The following DIP2C variants were observed in gnomAD, a reference collection of about 807,000 sequenced individuals.
DIP2C encodes the protein disco-interacting protein 2 homolog C.
In DIP2C, 33 loss-of-function variants were observed where a neutral mutation model predicts 192.4. The ratio of observed to expected loss-of-function variants is 0.17; its 90% CI spans 0.13 to 0.23. The LOEUF (loss-of-function observed/expected upper bound fraction) is 0.23, where lower values mean the gene tolerates loss of function less well. Ranked by LOEUF, DIP2C falls within the 10% of genes least tolerant of loss-of-function variation. The pLI is 1.00. For synonymous variants in DIP2C, 979 were observed against 864.1 expected, an observed-to-expected ratio of 1.13 and a Z score of -2.33; for missense variants, 1,537 against 2,110.1, an observed-to-expected ratio of 0.73 and a Z score of 5.32.
At chr10:557,867 A>AGG (rs1848987757) in intron 1 of DIP2C, among the ~76,000 whole-genome samples, 1 of 57,744 alleles carries the variant, frequency 1.7e-5, no homozygotes, top group African/African-American at 6.5e-5. Flanking sequence ...GGGCAGGGGC[A>AGG]GGCAGGCAGG....
intron 1 of DIP2C, among the ~76,000 whole-genome samples, chr10:602,189 T>C (rs1281670314): frequency 1.3e-5 from 2 of 152,198 alleles, no homozygotes; most frequent in Admixed American, 6.5e-5. Flanking sequence ...AGAAAACTCC[T>C]GCAGTCCTAA....
intron 15 of DIP2C, 110 bp downstream of exon 15, chr10:384,436 C>G: frequency 9.0e-7 from 1 of 1,109,196 alleles, no homozygotes; most frequent in Non-Finnish European, 1.3e-6. Context: ...CGGGGTTTCT[C>G]CATATTGGCC....
chr10:608,141 AGCC>A (rs1852656403), intron 1 of DIP2C, among the ~76,000 whole-genome samples: 1 of 84,852 alleles, frequency 1.2e-5, no homozygotes, highest in Non-Finnish European at 2.0e-5. Context: ...ACACACACAC[AGCC>A]CCCCCACACA....
chr10:301,745 G>A (rs775374250), intron 32 of DIP2C, among the ~76,000 whole-genome samples: 50 of 152,306 alleles, frequency 3.3e-4, no homozygotes, highest in Non-Finnish European at 3.8e-4. Flanking sequence ...GTCCTCGCCC[G>A]CTTGCAGGGT....
intron 1 of DIP2C, chr10:650,049 A>G (rs1438298978): frequency 2.8e-6 from 2 of 702,864 alleles, no homozygotes; most frequent in Non-Finnish European, 5.3e-6. Context: ...TTCCTCCTGC[A>G]TCTGGGAGCT....
At chr10:288,510 C>G (rs1686388569) in intron 32 of DIP2C, 89 bp from the exon 33 acceptor site, 4 of 1,404,290 alleles carry the variant, frequency 2.8e-6, no homozygotes, top group Non-Finnish European at 3.0e-6. Context: ...AGCCTGGCAG[C>G]TGTCCGGGAA....
chr10:341,002 G>T, intron 29 of DIP2C, 197 bp downstream of exon 29: 2 of 754,806 alleles, frequency 2.6e-6, no homozygotes, highest in Non-Finnish European at 4.6e-6. Context: ...GCTGCAGAAA[G>T]TCAAAGTCAC....
chr10:649,626 C>A (rs1301012644), intron 1 of DIP2C, among the ~76,000 whole-genome samples: 2 of 152,216 alleles, frequency 1.3e-5, no homozygotes, highest in Non-Finnish European at 2.9e-5. Context: ...CACGTTACAG[C>A]AAATGCCATT....
intron 3 of DIP2C, among the ~76,000 whole-genome samples, chr10:470,899 C>T (rs999872389): frequency 1.1e-4 from 16 of 152,172 alleles, no homozygotes; most frequent in African/African-American, 3.1e-4. Context: ...ACTCAGCCTG[C>T]GTGCATGTCT....
chr10:325,647 C>T (rs1340886699), intron 31 of DIP2C, among the ~76,000 whole-genome samples: 1 of 152,176 alleles, frequency 6.6e-6, no homozygotes, highest in Non-Finnish European at 1.5e-5. Context: ...TGGCGATAAA[C>T]ATTTATGAGG....
At chr10:502,107 C>G (rs1845275906) in intron 1 of DIP2C, among the ~76,000 whole-genome samples, 1 of 152,222 alleles carries the variant, frequency 6.6e-6, no homozygotes, top group Non-Finnish European at 1.5e-5. Context: ...GATTCCACCA[C>G]TATACTCCAG....
At chr10:647,933 C>A (rs540129797) in intron 1 of DIP2C, among the ~76,000 whole-genome samples, 1 of 151,666 alleles carries the variant, frequency 6.6e-6, no homozygotes, top group East Asian at 2.0e-4. Flanking sequence ...TCCACGTCCA[C>A]ATTTGATGGC....
chr10:513,210 C>T lies in DIP2C; in HGVS notation c.86-26680G>A, dbSNP rs139285305. On this transcript the variant is annotated intron_variant, in intron 1 of 36. Transcript: ENST00000280886. Reference sequence around the variant, plus strand: ...ATGCCTAAATTATTACATGTTTAGTCGTTCATGTTAGAATTTATGACTCGC... The same window carrying T: ...ATGCCTAAATTATTACATGTTTAGTTGTTCATGTTAGAATTTATGACTCGC... Among the ~76,000 whole-genome samples, 703 of 152,104 alleles carry T rather than the reference C, an allele frequency of 4.6e-3. 8 individuals carry two copies. The highest frequency in any genetic ancestry group is 0.016 in the African/African-American group (655 of 41,486).
chr10:377,117 G>A (rs1038493022), intron 17 of DIP2C, among the ~76,000 whole-genome samples: 51 of 149,636 alleles, frequency 3.4e-4, no homozygotes, highest in African/African-American at 1.2e-3. Context: ...CATCTTTACT[G>A]CCTCACCCAC....
chr10:616,457 G>A (rs1363789386), intron 1 of DIP2C, among the ~76,000 whole-genome samples: 2 of 152,216 alleles, frequency 1.3e-5, no homozygotes, highest in Non-Finnish European at 2.9e-5. Flanking sequence ...TCCATGGTCT[G>A]CATTTCCCAA....
chr10:536,190 A>T (rs572283186), intron 1 of DIP2C, among the ~76,000 whole-genome samples: 1 of 152,338 alleles, frequency 6.6e-6, no homozygotes, highest in East Asian at 1.9e-4. Flanking sequence ...GGCGTCCCTC[A>T]GCTTGAAACC....
intron 1 of DIP2C, among the ~76,000 whole-genome samples, chr10:604,892 G>A (rs1030069391): frequency 6.6e-6 from 1 of 152,182 alleles, no homozygotes; most frequent in Non-Finnish European, 1.5e-5. Flanking sequence ...CTGGGCACCC[G>A]AGTTTCTGTC....
intron 1 of DIP2C, among the ~76,000 whole-genome samples, chr10:533,774 G>A (rs893399465): frequency 6.6e-5 from 10 of 151,966 alleles, no homozygotes; most frequent in African/African-American, 9.7e-5. Flanking sequence ...GCTTAGTGAC[G>A]GGCACCTACT....
chr10:298,629 C>T (rs1432263602), intron 32 of DIP2C, among the ~76,000 whole-genome samples: 6 of 152,100 alleles, frequency 3.9e-5, no homozygotes, highest in African/African-American at 7.2e-5. Context: ...GATGGGCAGC[C>T]GTCTGACAGA....
Sources: allele counts gnomAD v4.1 joint callset (sites outside exome capture counted in the v4.1 genomes callset), GRCh38; gene constraint gnomAD v4.1.1; transcripts MANE v1.5; gene names NCBI Gene and HGNC (gene_info 2026-07-23, HGNC 2026-07-21).